ANKRD45: variants seen among roughly 807,000 people sequenced by gnomAD.
ANKRD45 encodes ankyrin repeat domain-containing protein 45.
In ANKRD45, 21 loss-of-function variants were observed where a neutral mutation model predicts 28.1. The ratio of observed to expected loss-of-function variants is 0.75; its 90% CI spans 0.53 to 1.08. The LOEUF (loss-of-function observed/expected upper bound fraction) is 1.08, where lower values mean the gene tolerates loss of function less well. Ranked by LOEUF, ANKRD45 falls within the 50% of genes least tolerant of loss-of-function variation. The pLI, the probability that ANKRD45 is intolerant of heterozygous loss-of-function variation, is 0.00. For missense variants in ANKRD45, 261 were observed against 308.7 expected (o/e 0.85, Z 1.16); for synonymous variants, 86 against 103.9 (o/e 0.83, Z 1.05).
chr1:173,648,552 T>C (rs1287449040), intron 2 of ANKRD45, among the ~76,000 whole-genome samples: 1 of 152,232 alleles, frequency 6.6e-6, no homozygotes, highest in Non-Finnish European at 1.5e-5. Context: ...GGTATTTTCC[T>C]ATAAGCAGTG....
chr1:173,701,811 T>TAATA, the ANKRD45 span, among the ~76,000 whole-genome samples: 1 of 152,062 alleles, frequency 6.6e-6, no homozygotes, highest in East Asian at 1.9e-4. Context: ...ACTTAGAGTA[T>TAATA]AATAAATAAA....
chr1:173,668,061 ATCC>A (rs1416157092), intron 1 of ANKRD45, among the ~76,000 whole-genome samples: 1 of 152,242 alleles, frequency 6.6e-6, no homozygotes, highest in Non-Finnish European at 1.5e-5. Flanking sequence ...CATTTTTTAA[ATCC>A]TCAGTTTAAT....
chr1:173,624,774 A>C lies in ANKRD45; in HGVS notation c.730+13T>G. On this transcript the variant is annotated intron_variant, in intron 5 of 5. Coordinates refer to ENST00000333279, the MANE Select transcript of ANKRD45 (RefSeq NM_198493.3). ...CCTTCTGACATTCAAACCACCTTTT[A>C]TCCAAAACTTACATGGTGTAGTCAT... 5.6e-6 allele frequency: 9 copies of C among 1,606,564 alleles called. No homozygotes were observed. The highest frequency in any genetic ancestry group is 7.7e-6 in the Non-Finnish European group (9 of 1,175,932).
At chr1:173,671,056 C>T (rs1259501090), upstream of ANKRD45, among the ~76,000 whole-genome samples, 3 of 152,188 alleles carry the variant, frequency 2.0e-5, no homozygotes, top group Non-Finnish European at 4.4e-5. Flanking sequence ...TACAGTCTTC[C>T]CCAACGTTGC....
chr1:173,637,618 C>T (rs1360723496), intron 3 of ANKRD45, among the ~76,000 whole-genome samples: 1 of 152,158 alleles, frequency 6.6e-6, no homozygotes, highest in Non-Finnish European at 1.5e-5. Context: ...AGGTTGAGTA[C>T]AGAATGTGAG....
rs772094509 is a variant in ANKRD45 at position 173,610,215 on chromosome 1, C to G, written c.731G>C (p.Cys244Ser). 3 of 1,613,452 alleles carry G rather than the reference C, an allele frequency of 1.9e-6. No homozygotes were observed. The highest frequency in any genetic ancestry group is 2.7e-5 in the African/African-American group (2 of 74,846). ...TACAGATTTGGCACTTTTCACTTGA[C>G]CTGAAAGGAAACAGATTTTAAAATT... ...TPIFTKMTTP[C>S]QVKSAKSVTS... is the part of the protein sequence containing the mutation. Residue 244 changes from cysteine to serine, a missense_variant and splice_region_variant, in exon 6 of 6, where the codon TGT (cysteine) becomes TCT (serine). Cys to Ser is a moderately radical substitution (Grantham distance 112). Transcript: ENST00000333279.
chr1:173,689,408 A>G, the ANKRD45 span, among the ~76,000 whole-genome samples: 2 of 152,120 alleles, frequency 1.3e-5, no homozygotes. Context: ...TGGAAAACAT[A>G]AGTTTTGTCT....
intron 3 of ANKRD45, among the ~76,000 whole-genome samples, chr1:173,644,945 A>G (rs1294031518): frequency 6.6e-6 from 1 of 151,634 alleles, no homozygotes; most frequent in Non-Finnish European, 1.5e-5. Context: ...GTGAGTCAAG[A>G]TCACGTCATT....
At chr1:173,627,268 T>C (rs1174144650) in intron 3 of ANKRD45, 109 bp from the exon 4 acceptor site, 10 of 700,524 alleles carry the variant, frequency 1.4e-5, no homozygotes, top group Non-Finnish European at 2.2e-5. Context: ...AAACACCAAA[T>C]TGAAAAACTA....
chr1:173,690,171 A>G, the ANKRD45 span, among the ~76,000 whole-genome samples: 4 of 144,792 alleles, frequency 2.8e-5, no homozygotes, highest in Non-Finnish European at 5.9e-5. Flanking sequence ...TCTTTTTTAC[A>G]TTGTTCTACC....
chr1:173,645,653 C>T (rs1482703239), intron 3 of ANKRD45, among the ~76,000 whole-genome samples: 1 of 152,128 alleles, frequency 6.6e-6, no homozygotes, highest in African/African-American at 2.4e-5. Context: ...TGTATTAACC[C>T]TTTTATTATT....
At chr1:173,682,411 C>A in the ANKRD45 span, among the ~76,000 whole-genome samples, 1 of 152,030 alleles carries the variant, frequency 6.6e-6, no homozygotes, top group Non-Finnish European at 1.5e-5. Context: ...TTGAGACAAA[C>A]TTGTCTGTTT....
At chr1:173,697,798 C>A in the ANKRD45 span, among the ~76,000 whole-genome samples, 1 of 152,268 alleles carries the variant, frequency 6.6e-6, no homozygotes, top group South Asian at 2.1e-4. Flanking sequence ...ATGACAGGAT[C>A]AAATTCACAC....
chr1:173,714,348 A>G, the ANKRD45 span, among the ~76,000 whole-genome samples: 3 of 152,136 alleles, frequency 2.0e-5, no homozygotes, highest in Admixed American at 1.3e-4. Context: ...AAGAAAATAT[A>G]CTCTTCCCTC....
At chr1:173,712,344 G>A in the ANKRD45 span, among the ~76,000 whole-genome samples, 3 of 152,216 alleles carry the variant, frequency 2.0e-5, no homozygotes, top group Non-Finnish European at 4.4e-5. Flanking sequence ...GAGCCATTGT[G>A]TATGGTTTCA....
At chr1:173,630,818 TAAAAAAAAAAAAAAAA>T (rs60007196) in intron 3 of ANKRD45, among the ~76,000 whole-genome samples, 1,106 of 29,168 alleles carry the variant, frequency 0.038, 32 homozygotes, top group African/African-American at 0.1. Context: ...AGACTCTGTC[TAAAAAAAAAAAAAAAA>T]AAAAAAAAAA....
At chr1:173,651,730 T>C (rs1272355832) in intron 2 of ANKRD45, among the ~76,000 whole-genome samples, 2 of 152,236 alleles carry the variant, frequency 1.3e-5, no homozygotes, top group Non-Finnish European at 2.9e-5. Context: ...TCCATGAGCA[T>C]GGAATGTTCT....
intron 2 of ANKRD45, among the ~76,000 whole-genome samples, chr1:173,647,374 C>T (rs79714220): frequency 0.079 from 12,044 of 152,170 alleles, 726 homozygotes; most frequent in East Asian, 0.32. Context: ...CTATTCTGAA[C>T]GCAACTGGAC....
chr1:173,625,965 AAAATT>A (rs1348030299), intron 4 of ANKRD45, among the ~76,000 whole-genome samples: 5 of 152,158 alleles, frequency 3.3e-5, no homozygotes, highest in Non-Finnish European at 7.4e-5. Flanking sequence ...CAAATTTTTA[AAAATT>A]AAATTAAGAA....
Sources: gnomAD v4.1 joint callset for allele counts (sites outside exome capture counted in the v4.1 genomes callset) on GRCh38, gnomAD v4.1.1 for gene constraint, MANE v1.5 for transcripts, NCBI Gene and HGNC (gene_info 2026-07-23, HGNC 2026-07-21) for gene names.